The following SHC4 variants were observed in gnomAD, a reference collection of about 807,000 sequenced individuals.
SHC4 encodes SHC adaptor protein 4, also known as SHC-transforming protein 4.
A neutral mutation model predicts 69.4 loss-of-function variants in SHC4; 41 were observed. That is an observed-to-expected ratio of 0.59 (90% CI 0.46 to 0.77). The LOEUF is 0.77. Among genes scored for constraint, SHC4 ranks in the 30% least tolerant of loss-of-function variants. The pLI is 0.00. For synonymous variants in SHC4, 318 were observed against 299.3 expected (o/e 1.06, Z -0.64); for missense variants, 777 against 783.8 (o/e 0.99, Z 0.10).
At chr15:48,834,675 T>G (rs1290867939) in intron 11 of SHC4, 94 bp downstream of exon 11, 2 of 1,525,260 alleles carry the variant, frequency 1.3e-6, no homozygotes, top group Non-Finnish European at 1.8e-6. Context: ...ATACTTAGCC[T>G]TGAGCACTAT....
At chr15:48,859,106 A>G (rs1252154933) in intron 6 of SHC4, among the ~76,000 whole-genome samples, 3 of 152,178 alleles carry the variant, frequency 2.0e-5, no homozygotes, top group African/African-American at 7.2e-5. Flanking sequence ...TCTTGGAAAA[A>G]ATTCATATTT....
chr15:48,873,193 C>T (rs770012347), intron 4 of SHC4, among the ~76,000 whole-genome samples: 1 of 152,052 alleles, frequency 6.6e-6, no homozygotes, highest in Non-Finnish European at 1.5e-5. Flanking sequence ...AAAGAATATA[C>T]TGCATGGCTT....
At chr15:48,954,127 C>T (rs1039953176) in intron 1 of SHC4, among the ~76,000 whole-genome samples, 1 of 152,174 alleles carries the variant, frequency 6.6e-6, no homozygotes, top group African/African-American at 2.4e-5. Context: ...ATGTGTTGGA[C>T]CTCACAATTC....
chr15:48,873,222 A>G (rs1899722303), intron 4 of SHC4, among the ~76,000 whole-genome samples: 1 of 152,214 alleles, frequency 6.6e-6, no homozygotes, highest in Non-Finnish European at 1.5e-5. Context: ...TGAAGTTCAA[A>G]ACTAGGCAAA....
At chr15:48,892,849 G>A (rs1275572491) in intron 2 of SHC4, among the ~76,000 whole-genome samples, 2 of 109,482 alleles carry the variant, frequency 1.8e-5, no homozygotes, top group Non-Finnish European at 3.6e-5. Context: ...GGCAAAAAGA[G>A]CAAAACTCCG....
chr15:48,929,838 C>T (rs557600323), intron 1 of SHC4, among the ~76,000 whole-genome samples: 1 of 152,336 alleles, frequency 6.6e-6, no homozygotes, highest in South Asian at 2.1e-4. Flanking sequence ...ACAACCTGCC[C>T]ATTCAGCCCC....
intron 10 of SHC4, among the ~76,000 whole-genome samples, chr15:48,836,491 GTA>G (rs1166599381): frequency 6.6e-6 from 1 of 152,034 alleles, no homozygotes; most frequent in African/African-American, 2.4e-5. Context: ...TCTGAAACTT[GTA>G]TGTTTAATAA....
chr15:48,915,642 A>G (rs1211179807), intron 2 of SHC4, among the ~76,000 whole-genome samples: 1 of 152,206 alleles, frequency 6.6e-6, no homozygotes, highest in Non-Finnish European at 1.5e-5. Context: ...TTATTGTTCT[A>G]ATCAGCTGAT....
At chr15:48,898,258 T>G (rs1480095800) in intron 2 of SHC4, among the ~76,000 whole-genome samples, 15 of 152,222 alleles carry the variant, frequency 9.9e-5, no homozygotes, top group Non-Finnish European at 5.9e-5. Context: ...GGAACCTGCC[T>G]CTGTGGCGAT....
At chr15:48,831,651 A>G (rs1660030722) in intron 11 of SHC4, among the ~76,000 whole-genome samples, 3 of 152,242 alleles carry the variant, frequency 2.0e-5, no homozygotes, top group Non-Finnish European at 4.4e-5. Context: ...CACAATGAAA[A>G]AATCATCTAG....
At chr15:48,914,121 A>G (rs1900569855) in intron 2 of SHC4, among the ~76,000 whole-genome samples, 1 of 152,204 alleles carries the variant, frequency 6.6e-6, no homozygotes, top group Admixed American at 6.5e-5. Context: ...TTGGCCTCCC[A>G]AAGTATTGGG....
chr15:48,886,245 A>G (rs1469941180), intron 3 of SHC4, among the ~76,000 whole-genome samples: 3 of 152,112 alleles, frequency 2.0e-5, no homozygotes, highest in Non-Finnish European at 4.4e-5. Flanking sequence ...CGACAGAGCA[A>G]GACTGTCTCA....
intron 1 of SHC4, among the ~76,000 whole-genome samples, chr15:48,933,702 T>C (rs998510769): frequency 1.3e-5 from 2 of 152,164 alleles, no homozygotes; most frequent in African/African-American, 4.8e-5. Context: ...ATTTCAAAAC[T>C]TACTGCTCAG....
At chr15:48,866,025 C>A (rs1053236907) in intron 6 of SHC4, among the ~76,000 whole-genome samples, 19 of 152,194 alleles carry the variant, frequency 1.2e-4, no homozygotes, top group African/African-American at 4.3e-4. Flanking sequence ...CAATGACATG[C>A]CCAGAGATAT....
intron 6 of SHC4, among the ~76,000 whole-genome samples, chr15:48,859,748 T>G (rs2140985490): frequency 6.6e-6 from 1 of 152,334 alleles, no homozygotes; most frequent in South Asian, 2.1e-4. Flanking sequence ...TTATAGCTAC[T>G]AGGTGATATA....
intron 1 of SHC4, 49 bp downstream of exon 1, chr15:48,962,382 G>A: frequency 6.7e-7 from 1 of 1,496,894 alleles, no homozygotes; most frequent in Non-Finnish European, 8.9e-7. Context: ...CAGAGAAGAT[G>A]CCCCCTTCCA....
chr15:48,849,256 T>G (rs1309583710), intron 9 of SHC4, among the ~76,000 whole-genome samples: 1 of 152,130 alleles, frequency 6.6e-6, no homozygotes, highest in African/African-American at 2.4e-5. Flanking sequence ...TCTCCCTATG[T>G]CCCTTTCCTA....
intron 1 of SHC4, among the ~76,000 whole-genome samples, chr15:48,936,198 C>T (rs575069197): frequency 3.3e-5 from 5 of 152,312 alleles, no homozygotes; most frequent in Admixed American, 6.5e-5. Flanking sequence ...GAAAACTCCT[C>T]CTTCTGCTCC....
chr15:48,899,058 A>C lies in SHC4; in HGVS notation c.657-8247T>G, dbSNP rs541948314. On this transcript the variant is annotated intron_variant, in intron 2 of 11. Coordinates refer to ENST00000332408, the MANE Select transcript of SHC4 (RefSeq NM_203349.4). ...AAGCTCATTTAGAAAAAAAAAAAAA[A>C]AAAACCGAAAACAGGTCTTACTTAG... 2.0e-3 allele frequency among the ~76,000 whole-genome samples: 311 copies of C among 151,948 alleles called. 2 individuals carry two copies. In the East Asian group the frequency reaches 0.038, roughly 19 times the overall value.
Sources: allele counts gnomAD v4.1 joint callset (sites outside exome capture counted in the v4.1 genomes callset), GRCh38; gene constraint gnomAD v4.1.1; transcripts MANE v1.5; gene names NCBI Gene and HGNC (gene_info 2026-07-23, HGNC 2026-07-21).